Variants in IMMP2L observed in about 807,000 individuals in gnomAD.
IMMP2L encodes the protein inner mitochondrial membrane peptidase subunit 2.
IMMP2L carries 18 observed loss-of-function variants against 19.3 expected under a neutral mutation model. The observed-to-expected ratio is 0.93, with a 90% CI of 0.64 to 1.38. IMMP2L has a LOEUF of 1.38. Among genes scored for constraint, IMMP2L ranks in the 40% most tolerant of loss-of-function variants. The pLI, the probability that IMMP2L is intolerant of heterozygous loss-of-function variation, is 0.00. For missense variants in IMMP2L, 233 were observed against 218.2 expected (o/e 1.07, Z -0.43); for synonymous variants, 76 against 73.0 (o/e 1.04, Z -0.21).
At chr7:111,338,974 T>G (rs867602032) in intron 3 of IMMP2L, among the ~76,000 whole-genome samples, 1 of 152,100 alleles carries the variant, frequency 6.6e-6, no homozygotes, top group Admixed American at 6.6e-5. Flanking sequence ...TTGATCCCAG[T>G]ACACTACAAG....
At chr7:111,217,810 A>G (rs1397107201) in intron 3 of IMMP2L, among the ~76,000 whole-genome samples, 1 of 152,126 alleles carries the variant, frequency 6.6e-6, no homozygotes, top group Non-Finnish European at 1.5e-5. Flanking sequence ...GACATGAAAT[A>G]ACTATCAATC....
At chr7:110,909,921 A>ATAGAGAGAAAGAGAGAGAGAGG in intron 4 of IMMP2L, among the ~76,000 whole-genome samples, 1 of 147,670 alleles carries the variant, frequency 6.8e-6, no homozygotes, top group East Asian at 1.9e-4. Flanking sequence ...AGAGAGAGAG[A>ATAGAGAGAAAGAGAGAGAGAGG]TAGACAGAGA....
chr7:110,667,724 T>C (rs899492503), intron 5 of IMMP2L, among the ~76,000 whole-genome samples: 1 of 152,206 alleles, frequency 6.6e-6, no homozygotes, highest in Admixed American at 6.5e-5. Flanking sequence ...ACATCTTAAC[T>C]TTAGCCCAGT....
At chr7:110,794,878 A>C (rs1280701327) in intron 5 of IMMP2L, among the ~76,000 whole-genome samples, 1 of 152,134 alleles carries the variant, frequency 6.6e-6, no homozygotes, top group African/African-American at 2.4e-5. Flanking sequence ...TAATGACTAG[A>C]TATATACACA....
At chr7:110,913,015 G>A (rs1268882672) in intron 4 of IMMP2L, among the ~76,000 whole-genome samples, 1 of 152,108 alleles carries the variant, frequency 6.6e-6, no homozygotes, top group Non-Finnish European at 1.5e-5. Context: ...ACAGATGAGT[G>A]AAGAGTAGTC....
At chr7:110,896,744 G>C (rs1811368528) in intron 4 of IMMP2L, among the ~76,000 whole-genome samples, 1 of 151,760 alleles carries the variant, frequency 6.6e-6, no homozygotes, top group Admixed American at 6.6e-5. Context: ...TCTTCATTTA[G>C]TTTGTAGGTC....
At chr7:111,051,653 A>C (rs2129572981) in intron 3 of IMMP2L, among the ~76,000 whole-genome samples, 1 of 152,352 alleles carries the variant, frequency 6.6e-6, no homozygotes, top group South Asian at 2.1e-4. Context: ...TTGTCTAAAA[A>C]AACAAACAAA....
At chr7:111,154,491 T>C (rs970656175) in intron 3 of IMMP2L, among the ~76,000 whole-genome samples, 7 of 152,032 alleles carry the variant, frequency 4.6e-5, no homozygotes, top group African/African-American at 1.7e-4. Context: ...GAAAAGAACA[T>C]CCCTTTTTAC....
In IMMP2L at chr7:111,068,824, T is replaced by C. The variant is rs1335286524; in HGVS notation, c.240-105259A>G. ...CCCAGAACAAACCATGAGATCATTC[T>C]AATAATTTTAGAAATGACATGTCAG... On this transcript the variant is annotated intron_variant, in intron 3 of 5. Transcript: ENST00000405709. Among the ~76,000 whole-genome samples the C allele has an allele frequency of 4.6e-5, 7 of 152,330 alleles. No homozygotes were observed. The South Asian group carries it at 1.5e-3, about 32-fold the overall frequency.
intron 4 of IMMP2L, among the ~76,000 whole-genome samples, chr7:110,959,864 A>G (rs1297987652): frequency 6.6e-6 from 1 of 151,720 alleles, no homozygotes; most frequent in Admixed American, 6.6e-5. Flanking sequence ...TGCATCATTA[A>G]CCCTTGCTCT....
At chr7:111,514,688 C>A (rs924224794) in intron 2 of IMMP2L, among the ~76,000 whole-genome samples, 1 of 152,012 alleles carries the variant, frequency 6.6e-6, no homozygotes, top group Non-Finnish European at 1.5e-5. Flanking sequence ...GCATAATGAA[C>A]CACCATGTAA....
intron 4 of IMMP2L, among the ~76,000 whole-genome samples, chr7:110,930,197 A>T (rs1476601071): frequency 6.6e-6 from 1 of 152,108 alleles, no homozygotes; most frequent in Non-Finnish European, 1.5e-5. Flanking sequence ...TCCTTTTCAT[A>T]TGTCCTTTGG....
At chr7:110,934,535 A>G (rs2129552165) in intron 4 of IMMP2L, among the ~76,000 whole-genome samples, 1 of 152,262 alleles carries the variant, frequency 6.6e-6, no homozygotes, top group Non-Finnish European at 1.5e-5. Context: ...TTTGTATATA[A>G]GAAGAAAGTA....
At chr7:111,011,345 A>G (rs1824932362) in intron 3 of IMMP2L, among the ~76,000 whole-genome samples, 1 of 152,174 alleles carries the variant, frequency 6.6e-6, no homozygotes, top group Non-Finnish European at 1.5e-5. Context: ...AATATTGCTC[A>G]TGTCATTCTA....
Position 110,663,436 on chromosome 7 carries a change from C to T in IMMP2L, c.*166G>A, listed in dbSNP as rs1357838919. The T allele has an allele frequency of 8.8e-6, 5 of 565,210 alleles. No individual in the cohort carries two copies. Among genetic ancestry groups the T allele is most frequent in the Non-Finnish European group, 8.9e-6 (3 of 336,116 alleles). The allele number at this position is 565,210 out of a possible 1,614,324, so 35.0% of individuals were successfully genotyped here. A position where few individuals can be genotyped will look rare whatever the true frequency, so the allele number is the denominator to read the frequency against. ...TCAGGTGCCATTTAATACTGTTTAA[C>T]ATTTGAAAATTATTTATTTAATAAT... On this transcript the variant is annotated 3_prime_UTR_variant, in exon 6 of 6. Coordinates refer to ENST00000405709, the MANE Select transcript of IMMP2L (RefSeq NM_032549.4).
intron 3 of IMMP2L, among the ~76,000 whole-genome samples, chr7:111,199,787 A>G (rs774966002): frequency 2.0e-5 from 3 of 152,068 alleles, no homozygotes; most frequent in Non-Finnish European, 4.4e-5. Context: ...AAAACCATCA[A>G]CCTCATTTCA....
At chr7:110,841,512 TTTAA>T (rs1362676527) in intron 5 of IMMP2L, among the ~76,000 whole-genome samples, 1 of 152,114 alleles carries the variant, frequency 6.6e-6, no homozygotes, top group Admixed American at 6.6e-5. Flanking sequence ...AATCATTTAG[TTTAA>T]TTAGAGTTTA....
chr7:111,350,596 C>T (rs1347623006), intron 3 of IMMP2L, among the ~76,000 whole-genome samples: 2 of 151,938 alleles, frequency 1.3e-5, no homozygotes, highest in African/African-American at 4.8e-5. Flanking sequence ...ATCATAGCCA[C>T]AATAGCAGCT....
intron 3 of IMMP2L, among the ~76,000 whole-genome samples, chr7:111,144,711 A>T (rs1268581292): frequency 6.6e-6 from 1 of 152,150 alleles, no homozygotes; most frequent in Non-Finnish European, 1.5e-5. Flanking sequence ...ACAATGAAAG[A>T]GATACCTCCC....
Sources: gnomAD v4.1 joint callset for allele counts (sites outside exome capture counted in the v4.1 genomes callset) on GRCh38, gnomAD v4.1.1 for gene constraint, MANE v1.5 for transcripts, NCBI Gene and HGNC (gene_info 2026-07-23, HGNC 2026-07-21) for gene names.